TBC1D9B: variants seen among roughly 807,000 people sequenced by gnomAD.
TBC1D9B encodes the protein TBC1 domain family member 9B.
TBC1D9B carries 87 observed loss-of-function variants against 121.1 expected under a neutral mutation model. That is an observed-to-expected ratio of 0.72 (90% CI 0.60 to 0.86). The LOEUF is 0.86. TBC1D9B is among the 40% of genes least tolerant of loss of function. The probability of loss-of-function intolerance (pLI) is 0.00; values close to 1 mark genes in which losing one functional copy is unlikely to be tolerated. For synonymous variants in TBC1D9B, 668 were observed against 670.1 expected, an observed-to-expected ratio of 1.00 and a Z score of 0.05; for missense variants, 1,540 against 1,628.6, an observed-to-expected ratio of 0.95 and a Z score of 0.94.
intron 15 of TBC1D9B, 146 bp downstream of exon 15, chr5:179,871,316 C>CT (rs1272941300): frequency 1.3e-6 from 1 of 775,874 alleles, no homozygotes; most frequent in Non-Finnish European, 2.0e-6. Flanking sequence ...GCAACTGCAT[C>CT]TGAGGATGCA....
In TBC1D9B at chr5:179,885,745, C is replaced by T. The variant is rs1170608562; in HGVS notation, c.1254+2358G>A. ...GGCCACACGTGGCTGCTGTACTAGA[C>T]GGGGCACCTCTAATCCACTGTCAAC... On this transcript the variant is annotated intron_variant, in intron 7 of 20. Coordinates refer to ENST00000355235, the MANE Select transcript of TBC1D9B (RefSeq NM_015043.4). The surrounding 1 kb of genome is among the most constrained non-coding windows in gnomAD (Gnocchi z 4.5). Among the ~76,000 whole-genome samples the T allele has an allele frequency of 6.6e-6, 1 of 152,192 alleles. No homozygotes were observed. The highest frequency in any genetic ancestry group is 2.4e-5 in the African/African-American group (1 of 41,444).
At chr5:179,881,022 C>T (rs1022870657) in intron 7 of TBC1D9B, among the ~76,000 whole-genome samples, 1 of 152,106 alleles carries the variant, frequency 6.6e-6, no homozygotes, top group African/African-American at 2.4e-5. Context: ...GCCACACCGC[C>T]GGGTGTGTGG....
chr5:179,904,263 C>T lies in TBC1D9B; in HGVS notation c.229+439G>A, dbSNP rs983427466. 2.0e-3 allele frequency among the ~76,000 whole-genome samples: 269 copies of T among 132,808 alleles called. 1 individual carries two copies. Among genetic ancestry groups the T allele is most frequent in the African/African-American group, 6.8e-3 (235 of 34,760 alleles). 87.1% of individuals were successfully genotyped at this position (132,808 alleles called of 152,430 possible). ...TTTTTGAGACGGAATCTCGCTGTGT[C>T]GCCCAGGCTGGAGTGCAGTGGCGCG... On this transcript the variant is annotated intron_variant, in intron 2 of 20. Coordinates refer to ENST00000355235, the MANE Select transcript of TBC1D9B (RefSeq NM_015043.4). This position sits in a 1 kb window ranked among gnomAD's most constrained non-coding sequence, Gnocchi z 4.2.
intron 14 of TBC1D9B, 39 bp downstream of exon 14, chr5:179,872,853 C>T: frequency 6.5e-7 from 1 of 1,527,156 alleles, no homozygotes. Flanking sequence ...CTGCTGCCCC[C>T]CCAGCCCAGC....
intron 6 of TBC1D9B, among the ~76,000 whole-genome samples, chr5:179,888,770 C>T (rs893925747): frequency 2.0e-5 from 3 of 152,188 alleles, no homozygotes; most frequent in African/African-American, 4.8e-5. Context: ...CTCTGCAGAG[C>T]CCAAGGCCTG....
chr5:179,891,527 T>A lies in TBC1D9B; in HGVS notation c.896A>T (p.Asp299Val). The change falls in exon 6 of 21, where the codon GAT becomes GTT. Residue 299 changes from aspartate to valine, a missense_variant. By Grantham distance (152) the Asp-to-Val change is radical. Transcript: ENST00000355235. The surrounding 1 kb of genome is among the most constrained non-coding windows in gnomAD (Gnocchi z 4.3). ...CYRATFRLPR[D>V]ERLDGHTSCT... ...GCTTGTGTGGCCGTCTAGCCGCTCA[T>A]CCCTGGGCAGCCGGAACGTGGCTCG... The A allele has an allele frequency of 6.2e-7, 1 of 1,613,608 alleles. No homozygotes were observed. The highest frequency in any genetic ancestry group is 8.5e-7 in the Non-Finnish European group (1 of 1,180,018).
At chr5:179,903,716 G>C (rs950025388) in intron 2 of TBC1D9B, among the ~76,000 whole-genome samples, 1 of 152,204 alleles carries the variant, frequency 6.6e-6, no homozygotes, top group Non-Finnish European at 1.5e-5. Context: ...CTCATGCACA[G>C]ATCTCCTTCA....
In TBC1D9B at chr5:179,902,089, T is replaced by TG. The variant is rs1380235121; in HGVS notation, c.229+2612dup. Among the ~76,000 whole-genome samples, 2 of 152,242 alleles carry TG rather than the reference T, an allele frequency of 1.3e-5. No homozygotes were observed. Among genetic ancestry groups the TG allele is most frequent in the African/African-American group, 4.8e-5 (2 of 41,468 alleles). On this transcript the variant is annotated intron_variant, in intron 2 of 20. Coordinates refer to ENST00000355235, the MANE Select transcript of TBC1D9B (RefSeq NM_015043.4). The surrounding 1 kb of genome is among the most constrained non-coding windows in gnomAD (Gnocchi z 4.9). ...AATCAGAATCCTAACCCTGGGTGCC[T>TG]GGCTGCAGAGCCTGCCCTCACCCTC...
At position 179,904,707 on chromosome 5, in the gene TBC1D9B, G is replaced by A. The variant is rs557171304; in HGVS notation, c.224C>T (p.Ala75Val). Residue 75 changes from alanine to valine, a missense_variant, in exon 2 of 21, where the codon GCG becomes GTG. Ala to Val is a moderately conservative substitution (Grantham distance 64). Transcript: ENST00000355235. This position sits in a 1 kb window ranked among gnomAD's most constrained non-coding sequence, Gnocchi z 4.2. ...TQDSQVYWTVACGSSRKEITK... is the reference protein window; with the variant it reads ...TQDSQVYWTVVCGSSRKEITK... Reference sequence around the variant, plus strand: ...TCACCACTCAGGGCACCTACCACACGCCACTGTCCAGTAGACCTGGGAGTC... The same window carrying A: ...TCACCACTCAGGGCACCTACCACACACCACTGTCCAGTAGACCTGGGAGTC... 1.9e-6 allele frequency: 3 copies of A among 1,566,992 alleles called. No individual in the cohort carries two copies. Among genetic ancestry groups the A allele is most frequent in the African/African-American group, 1.4e-5 (1 of 73,970 alleles).
At chr5:179,898,822 G>C (rs144684823) in intron 3 of TBC1D9B, among the ~76,000 whole-genome samples, 2 of 152,190 alleles carry the variant, frequency 1.3e-5, no homozygotes, top group Non-Finnish European at 2.9e-5. Flanking sequence ...TGGGTAAAGG[G>C]CATGTGTCTT....
rs779066118 is a variant in TBC1D9B at position 179,863,765 on chromosome 5, C to T, written c.3385G>A (p.Asp1129Asn). Residue 1129 changes from aspartate (D) to asparagine (N), a missense_variant, in exon 21 of 21, where the codon GAT (aspartate) becomes AAT (asparagine). By Grantham distance (23) the Asp-to-Asn change is conservative. Transcript: ENST00000355235. The surrounding 1 kb of genome is among the most constrained non-coding windows in gnomAD (Gnocchi z 4.5). ...QGSPSQLLSD[D>N]ETKDDMSMSS... ...ATGGACATGTCGTCTTTGGTTTCAT[C>T]GTCAGACAGCAGCTGGGAGGGTGAG... 1.3e-5 allele frequency: 21 copies of T among 1,613,548 alleles called. No individual in the cohort carries two copies. The highest frequency in any genetic ancestry group is 1.6e-4 in the Middle Eastern group (1 of 6,084).
intron 2 of TBC1D9B, among the ~76,000 whole-genome samples, chr5:179,900,327 G>C (rs1446741637): frequency 6.6e-6 from 1 of 152,160 alleles, no homozygotes; most frequent in African/African-American, 2.4e-5. Context: ...AAGGGATGAG[G>C]GGAGATCTCT....
chr5:179,889,395 G>A (rs1188254006), intron 6 of TBC1D9B, among the ~76,000 whole-genome samples: 2 of 152,130 alleles, frequency 1.3e-5, no homozygotes, highest in African/African-American at 2.4e-5. Flanking sequence ...AGGTCTGAGA[G>A]GGGGAGAGGC....
chr5:179,897,002 G>A (rs1761039129), intron 3 of TBC1D9B, among the ~76,000 whole-genome samples: 1 of 152,054 alleles, frequency 6.6e-6, no homozygotes, highest in Non-Finnish European at 1.5e-5. Flanking sequence ...CGCCTCCCAG[G>A]TTCATGCCAT....
chr5:179,907,776 C>T lies in TBC1D9B; in HGVS notation c.46G>A (p.Val16Met), dbSNP rs1332800222. 2 of 1,229,250 alleles carry T rather than the reference C, an allele frequency of 1.6e-6. No individual in the cohort carries two copies. The highest frequency in any genetic ancestry group is 2.1e-6 in the Non-Finnish European group (2 of 957,462). The allele number at this position is 1,229,250 out of a possible 1,614,324, so 76.1% of individuals were successfully genotyped here. ...EEVLVANALW[V>M]TERANPFFVL... The stretch of plus-strand genomic sequence containing the variant: ...AAGAAGGGGTTGGCCCGCTCCGTCA[C>T]CCACAGCGCATTGGCCACCAGCACC... The change falls in exon 1 of 21, where the codon GTG becomes ATG. Residue 16 changes from valine (V) to methionine (M), a missense_variant. By Grantham distance (21) the Val-to-Met change is conservative (BLOSUM62 1). Transcript: ENST00000355235. This position sits in a 1 kb window ranked among gnomAD's most constrained non-coding sequence, Gnocchi z 5.3.
Position 179,865,798 on chromosome 5 carries a change from G to A in TBC1D9B, c.2914+40C>T, listed in dbSNP as rs376450294. 5.1e-6 allele frequency: 8 copies of A among 1,563,570 alleles called. No individual in the cohort carries two copies. Among genetic ancestry groups the A allele is most frequent in the East Asian group, 4.5e-5 (2 of 44,456 alleles). The stretch of plus-strand genomic sequence containing the variant: ...GACCAGCAAGCAAGGGTGCCTCAAC[G>A]CTGGGGTCTCTAAGAACAGCGGCAG... On this transcript the variant is annotated intron_variant, in intron 19 of 20. Coordinates refer to ENST00000355235, the MANE Select transcript of TBC1D9B (RefSeq NM_015043.4). This position sits in a 1 kb window ranked among gnomAD's most constrained non-coding sequence, Gnocchi z 5.1.
intron 2 of TBC1D9B, among the ~76,000 whole-genome samples, chr5:179,901,471 A>T (rs1761166226): frequency 6.6e-6 from 1 of 152,180 alleles, no homozygotes; most frequent in Non-Finnish European, 1.5e-5. Context: ...GCCTGTGTGG[A>T]TGTGTCAGCA....
intron 18 of TBC1D9B, chr5:179,866,839 G>A (rs778377280): frequency 3.9e-5 from 6 of 152,712 alleles, no homozygotes; most frequent in African/African-American, 1.2e-4. Flanking sequence ...CTTTTGAGTC[G>A]GTTCCTTGGT....
rs1286451378 is a variant in TBC1D9B, at chr5:179,902,308, T to C, written c.229+2394A>G. 6.6e-6 allele frequency among the ~76,000 whole-genome samples: 1 copy of C among 152,160 alleles called. No homozygotes were observed. Among genetic ancestry groups the C allele is most frequent in the African/African-American group, 2.4e-5 (1 of 41,424 alleles). ...GGCTCCTCCAGGCCCTGCAGCTGTGTGGTCCGGCTGAAGGCCAGGCTGTGA... is the reference window on the plus strand; with the variant it reads ...GGCTCCTCCAGGCCCTGCAGCTGTGCGGTCCGGCTGAAGGCCAGGCTGTGA... On this transcript the variant is annotated intron_variant, in intron 2 of 20. Coordinates refer to ENST00000355235, the MANE Select transcript of TBC1D9B (RefSeq NM_015043.4). This position sits in a 1 kb window ranked among gnomAD's most constrained non-coding sequence, Gnocchi z 4.9.
Sources: allele counts gnomAD v4.1 joint callset (sites outside exome capture counted in the v4.1 genomes callset), GRCh38; gene constraint gnomAD v4.1.1; non-coding constraint Gnocchi (gnomAD v3.1); transcripts MANE v1.5; gene names NCBI Gene and HGNC (gene_info 2026-07-23, HGNC 2026-07-21).